Variants in KIAA1210 observed in about 807,000 individuals in gnomAD.
The protein encoded by KIAA1210 is KIAA1210.
In KIAA1210, 48 loss-of-function variants were observed where a neutral mutation model predicts 78.9. That is an observed-to-expected ratio of 0.61 (90% CI 0.48 to 0.77). The LOEUF (loss-of-function observed/expected upper bound fraction) is 0.77. Ranked by LOEUF, KIAA1210 falls within the 30% of genes least tolerant of loss-of-function variation. The pLI, the probability that KIAA1210 is intolerant of heterozygous loss-of-function variation, is 0.00. For missense variants in KIAA1210, 1,108 were observed against 1,100.0 expected, an observed-to-expected ratio of 1.01 and a Z score of -0.10; for synonymous variants, 406 against 404.5, an observed-to-expected ratio of 1.00 and a Z score of -0.04.
chrX:119,102,928 A>G (rs5956103), intron 6 of KIAA1210, among the ~76,000 whole-genome samples: 3,037 of 112,041 alleles, frequency 0.027, 121 homozygotes, highest in African/African-American at 0.093. Flanking sequence ...ATGCAGATTC[A>G]CTGAGGAAGA....
chrX:119,131,834 G>A (rs1422505273), upstream of KIAA1210, among the ~76,000 whole-genome samples: 2 of 112,382 alleles, frequency 1.8e-5, no homozygotes, highest in Non-Finnish European at 3.8e-5. Context: ...CCAGCACTTT[G>A]GGAGGCCGAG....
chrX:119,123,699 T>C (rs1245233978), intron 1 of KIAA1210, 47 bp from the exon 2 acceptor site: 1 of 872,946 alleles, frequency 1.1e-6, no homozygotes, highest in East Asian at 3.3e-5. Context: ...TCATTTGATA[T>C]TCAGGGCGTA....
Position 119,126,744 on chromosome X carries a change from T to A in KIAA1210, c.-11+983A>T, listed in dbSNP as rs189736338. 1.9e-3 allele frequency among the ~76,000 whole-genome samples: 218 copies of A among 111,940 alleles called. 3 individuals are homozygous for A. Among genetic ancestry groups the A allele is most frequent in the African/African-American group, 7.0e-3 (215 of 30,800 alleles). ...TCCTGTCTCTGCTAGTTTTCCAAGA[T>A]CTGGAGATCTGGCAGGAGCAAAGAG... On this transcript the variant is annotated intron_variant, in intron 1 of 11. Coordinates refer to ENST00000691062, the MANE Select transcript of KIAA1210 (RefSeq NM_001394962.1).
chrX:119,120,919 G>A (rs898781833), intron 2 of KIAA1210, among the ~76,000 whole-genome samples: 4 of 111,075 alleles, frequency 3.6e-5, no homozygotes, highest in Admixed American at 9.6e-5. Flanking sequence ...AGCTGGATAC[G>A]GCCTTTGTGA....
At position 119,150,483 on chromosome X, in the gene KIAA1210, G is replaced by A; in HGVS notation, c.97C>T (p.Arg33Ter). The A allele has an allele frequency of 8.3e-7, 1 of 1,211,350 alleles. No individual in the cohort carries two copies. Among genetic ancestry groups the A allele is most frequent in the Non-Finnish European group, 1.1e-6 (1 of 895,333 alleles). ...GCTCGACTTCCAATCCTGGCCCCTCGGTCCCTGGGGCCCAGGTGAGCCAGG... is the reference window on the plus strand; with the variant it reads ...GCTCGACTTCCAATCCTGGCCCCTCAGTCCCTGGGGCCCAGGTGAGCCAGG... The change falls in exon 1 of 14, where the codon CGA becomes TGA. Residue 33 changes from arginine to a stop codon, truncating the protein, a stop_gained. Coordinates refer to the KIAA1210 transcript ENST00000402510. LOFTEE classifies it high-confidence loss of function.
At position 119,082,799 on chromosome X, in the gene KIAA1210, G is replaced by A. The variant is rs1388796267; in HGVS notation, c.4426+216C>T. Among the ~76,000 whole-genome samples, 3 of 111,883 alleles carry A rather than the reference G, an allele frequency of 2.7e-5. No individual in the cohort carries two copies. The Admixed American group carries it at 2.8e-4, about 11-fold the overall frequency. ...GCTTCTTTGATGAGGCAAAAGACTG[G>A]AAGACCCTCTGAAAGTTATACACTG... On this transcript the variant is annotated intron_variant, in intron 11 of 11. Transcript: ENST00000691062.
chrX:119,111,408 T>C (rs1442350680), intron 3 of KIAA1210, among the ~76,000 whole-genome samples: 2 of 111,750 alleles, frequency 1.8e-5, no homozygotes, highest in Admixed American at 9.5e-5. Flanking sequence ...ATATACACCA[T>C]GGAATACTAT....
chrX:119,084,736 C>G (rs1047517513), intron 10 of KIAA1210, among the ~76,000 whole-genome samples: 7 of 111,399 alleles, frequency 6.3e-5, no homozygotes, highest in Admixed American at 5.7e-4. Context: ...CCTGTTCCCC[C>G]CAAACCTATG....
At chrX:119,099,185 A>G (rs934509316) in intron 6 of KIAA1210, among the ~76,000 whole-genome samples, 2 of 112,963 alleles carry the variant, frequency 1.8e-5, no homozygotes, top group Admixed American at 9.3e-5. Flanking sequence ...AAGAACTTTC[A>G]ATTCAGTTGG....
At chrX:119,085,125 A>G (rs1197328248) in intron 10 of KIAA1210, among the ~76,000 whole-genome samples, 1 of 112,136 alleles carries the variant, frequency 8.9e-6, no homozygotes, top group African/African-American at 3.2e-5. Flanking sequence ...CAAGCAATCC[A>G]CCTGCCTTGG....
In KIAA1210 at chrX:119,089,425, G is replaced by A. The variant is rs775823454; in HGVS notation, c.1277C>T (p.Pro426Leu). The A allele has an allele frequency of 8.3e-7, 1 of 1,211,901 alleles. No individual in the cohort carries two copies. The change falls in exon 9 of 12, where the codon CCA becomes CTA. Residue 426 changes from proline to leucine, a missense_variant. Coordinates refer to ENST00000691062, the MANE Select transcript of KIAA1210 (RefSeq NM_001394962.1). Reference protein sequence around the residue: ...DNMEQPTTSQPETTTPQGLLS... With the variant: ...DNMEQPTTSQLETTTPQGLLS... ...CAACCCCTGAGGGGTAGTGGTTTCT[G>A]GTTGTGAAGTTGTAGGCTGCTCCAT...
intron 2 of KIAA1210, among the ~76,000 whole-genome samples, chrX:119,147,157 C>T (rs73213140): frequency 0.12 from 12,885 of 110,594 alleles, 748 homozygotes; most frequent in Middle Eastern, 0.2. Context: ...TCTCGGGTTC[C>T]GGAGAACTGG....
intron 2 of KIAA1210, among the ~76,000 whole-genome samples, chrX:119,137,328 C>G (rs1000961699): frequency 1.9e-4 from 21 of 112,151 alleles, no homozygotes; most frequent in Non-Finnish European, 1.5e-4. Context: ...ACTCCAGAGC[C>G]AATAAGTGCT....
rs778544323 is a variant in KIAA1210, at chrX:119,136,756, G to A, written c.410+10717C>T. ...AATCTGAGATCACTGGACATTCTCA[G>A]TCAAGGTGACATCTGAGAATTTAGG... is the stretch of plus-strand genomic sequence containing the variant. On this transcript the variant is annotated intron_variant, in intron 2 of 13. Coordinates refer to the KIAA1210 transcript ENST00000402510. 3.7e-4 allele frequency among the ~76,000 whole-genome samples: 42 copies of A among 112,358 alleles called. 1 individual carries two copies. The highest frequency in any genetic ancestry group is 1.1e-3 in the African/African-American group (34 of 30,997).
intron 1 of KIAA1210, among the ~76,000 whole-genome samples, chrX:119,126,593 A>C (rs1340415233): frequency 1.8e-5 from 2 of 112,061 alleles, no homozygotes; most frequent in Non-Finnish European, 3.8e-5. Context: ...ACATGCACAC[A>C]CACACCCTCT....
chrX:119,146,949 G>A (rs763044771), intron 2 of KIAA1210, among the ~76,000 whole-genome samples: 1 of 111,231 alleles, frequency 9.0e-6, no homozygotes, highest in South Asian at 3.9e-4. Context: ...GTGCCACAGG[G>A]ATCTCTAATG....
At chrX:119,105,568 G>C (rs890111832) in intron 5 of KIAA1210, among the ~76,000 whole-genome samples, 5 of 112,112 alleles carry the variant, frequency 4.5e-5, no homozygotes, top group African/African-American at 1.6e-4. Flanking sequence ...GTTATGACCT[G>C]GAATTGGCAT....
chrX:119,105,563 G>A (rs1405577297), intron 5 of KIAA1210, among the ~76,000 whole-genome samples: 1 of 112,118 alleles, frequency 8.9e-6, no homozygotes, highest in Non-Finnish European at 1.9e-5. Flanking sequence ...TTTGAGTTAT[G>A]ACCTGGAATT....
At chrX:119,116,941 A>G (rs746112172) in intron 2 of KIAA1210, among the ~76,000 whole-genome samples, 1 of 112,475 alleles carries the variant, frequency 8.9e-6, no homozygotes, top group Non-Finnish European at 1.9e-5. Flanking sequence ...CAAACTCACT[A>G]GGAATTCACT....
Sources: allele counts gnomAD v4.1 joint callset (sites outside exome capture counted in the v4.1 genomes callset), GRCh38; gene constraint gnomAD v4.1.1; transcripts MANE v1.5; gene names NCBI Gene and HGNC (gene_info 2026-07-23, HGNC 2026-07-21).